Variants in RNF180 observed in about 807,000 individuals in gnomAD.
RNF180 encodes ring finger protein 180, also known as E3 ubiquitin-protein ligase RNF180.
RNF180 carries 38 observed loss-of-function variants against 59.2 expected under a neutral mutation model. The observed-to-expected ratio is 0.64, with a 90% CI of 0.50 to 0.84. RNF180 has a LOEUF of 0.84. Ranked by LOEUF, RNF180 falls within the 40% of genes least tolerant of loss-of-function variation. The probability of loss-of-function intolerance (pLI) is 0.00; values close to 1 mark genes in which losing one functional copy is unlikely to be tolerated. For missense variants in RNF180, 705 were observed against 700.9 expected, an observed-to-expected ratio of 1.01 and a Z score of -0.07; for synonymous variants, 262 against 240.3, an observed-to-expected ratio of 1.09 and a Z score of -0.84.
chr5:64,230,716 T>C (rs1200811078), intron 5 of RNF180, among the ~76,000 whole-genome samples: 1 of 152,204 alleles, frequency 6.6e-6, no homozygotes, highest in African/African-American at 2.4e-5. Context: ...ATTATTCTGC[T>C]TACCACAGAT....
intron 7 of RNF180, among the ~76,000 whole-genome samples, 176 bp from the exon 8 acceptor site, chr5:64,369,439 A>T (rs976818527): frequency 6.7e-6 from 1 of 149,034 alleles, no homozygotes; most frequent in African/African-American, 2.5e-5. Context: ...GTGCACATGT[A>T]CCCTAAAACT....
intron 5 of RNF180, among the ~76,000 whole-genome samples, chr5:64,248,710 G>A (rs1212689643): frequency 1.3e-5 from 2 of 152,132 alleles, no homozygotes; most frequent in Admixed American, 6.5e-5. Flanking sequence ...ATTCCTCAAG[G>A]ATCTAAAACC....
Position 64,370,512 on chromosome 5 carries a change from G to A in RNF180, c.*698G>A, listed in dbSNP as rs1053513885. 4 of 151,600 alleles carry A rather than the reference G, an allele frequency of 2.6e-5. No homozygotes were observed. The highest frequency in any genetic ancestry group is 4.4e-5 in the Non-Finnish European group (3 of 67,738). 9.4% of individuals were successfully genotyped at this position (151,600 alleles called of 1,614,324 possible). A position where few individuals can be genotyped will look rare whatever the true frequency, so the allele number is the denominator to read the frequency against. ...CACCAGAAGACATGAAAAATTTACC[G>A]ACTTTTAGTAGTCTAAAAGAGCAAT... is the stretch of plus-strand genomic sequence containing the variant. On this transcript the variant is annotated 3_prime_UTR_variant, in exon 8 of 8. Transcript: ENST00000389100.
chr5:64,200,250 A>G (rs1398028220), intron 1 of RNF180, among the ~76,000 whole-genome samples: 1 of 152,104 alleles, frequency 6.6e-6, no homozygotes, highest in Non-Finnish European at 1.5e-5. Context: ...CTGTGCTACC[A>G]AGCAAGACCC....
At chr5:64,257,493 G>A (rs570600034) in intron 5 of RNF180, among the ~76,000 whole-genome samples, 139 of 152,210 alleles carry the variant, frequency 9.1e-4, no homozygotes, top group Non-Finnish European at 1.6e-3. Flanking sequence ...CTGTTTATAT[G>A]CTGGATTACA....
At chr5:64,355,396 G>A (rs1378450117) in intron 7 of RNF180, among the ~76,000 whole-genome samples, 1 of 151,842 alleles carries the variant, frequency 6.6e-6, no homozygotes, top group Non-Finnish European at 1.5e-5. Flanking sequence ...AAACTAAGAC[G>A]TTGCTGAAGG....
chr5:64,286,089 A>C (rs1433591920), intron 5 of RNF180, among the ~76,000 whole-genome samples: 1 of 152,180 alleles, frequency 6.6e-6, no homozygotes, highest in Non-Finnish European at 1.5e-5. Flanking sequence ...ACTTCATCCC[A>C]GCATCTGCCT....
intron 5 of RNF180, among the ~76,000 whole-genome samples, chr5:64,223,102 A>G (rs949534198): frequency 1.3e-5 from 2 of 152,224 alleles, no homozygotes; most frequent in African/African-American, 4.8e-5. Context: ...TGATATCAAT[A>G]TGTTGACAGG....
chr5:64,221,698 C>T (rs1741348148), intron 5 of RNF180, among the ~76,000 whole-genome samples: 1 of 152,110 alleles, frequency 6.6e-6, no homozygotes, highest in Admixed American at 6.5e-5. Flanking sequence ...AATGCCTTTA[C>T]CTGAAGTAAT....
chr5:64,313,258 A>C (rs1743867947), intron 5 of RNF180, among the ~76,000 whole-genome samples: 1 of 152,086 alleles, frequency 6.6e-6, no homozygotes, highest in Non-Finnish European at 1.5e-5. Context: ...AATCACCCAG[A>C]TAATGAGCAT....
In RNF180 at chr5:64,303,724, A is replaced by C. The variant is rs545619596; in HGVS notation, c.1228-21462A>C. On this transcript the variant is annotated intron_variant, in intron 5 of 7. Coordinates refer to ENST00000389100, the MANE Select transcript of RNF180 (RefSeq NM_001113561.2). ...AGGAAAGAAGCTGTCTCTATAACAA[A>C]AAAGTGCAAGGGGAAGCAGTAAGTA... Among the ~76,000 whole-genome samples the C allele has an allele frequency of 7.9e-5, 12 of 151,756 alleles. No individual in the cohort carries two copies. The South Asian group carries it at 2.5e-3, about 31-fold the overall frequency.
chr5:64,345,798 C>CTGA (rs1396919762), intron 7 of RNF180, among the ~76,000 whole-genome samples: 1 of 152,110 alleles, frequency 6.6e-6, no homozygotes, highest in African/African-American at 2.4e-5. Context: ...ACTATTATGT[C>CTGA]TGAGCCATTA....
chr5:64,199,124 A>G (rs113479881), intron 1 of RNF180, among the ~76,000 whole-genome samples: 56 of 152,182 alleles, frequency 3.7e-4, no homozygotes, highest in African/African-American at 1.3e-3. Context: ...GGCCAAATTA[A>G]ATGATTTTTG....
At chr5:64,165,580 G>A (rs1271001521), upstream of RNF180, among the ~76,000 whole-genome samples, 1 of 152,238 alleles carries the variant, frequency 6.6e-6, no homozygotes, top group African/African-American at 2.4e-5. Flanking sequence ...GATAATTTCT[G>A]TGGCTCTGGT....
intron 1 of RNF180, among the ~76,000 whole-genome samples, chr5:64,173,717 CTT>C (rs113698456): frequency 7.9e-5 from 11 of 140,016 alleles, no homozygotes; most frequent in Non-Finnish European, 6.2e-5. Context: ...ATAGCATCAA[CTT>C]TTTTTTTTTT....
intron 5 of RNF180, among the ~76,000 whole-genome samples, chr5:64,236,046 G>C (rs1181158017): frequency 6.6e-6 from 1 of 152,224 alleles, no homozygotes; most frequent in African/African-American, 2.4e-5. Context: ...TGAAAATGTG[G>C]AAGCAACTTT....
chr5:64,293,748 A>G (rs1742732246), intron 5 of RNF180, among the ~76,000 whole-genome samples: 1 of 152,070 alleles, frequency 6.6e-6, no homozygotes, highest in African/African-American at 2.4e-5. Context: ...TATGTACTTT[A>G]TTTCTCACTG....
chr5:64,284,680 A>G (rs1742189496), intron 5 of RNF180, among the ~76,000 whole-genome samples: 1 of 152,140 alleles, frequency 6.6e-6, no homozygotes, highest in African/African-American at 2.4e-5. Flanking sequence ...TCCCTATCAG[A>G]TCAGTTTGGT....
At chr5:64,337,168 C>A (rs1580274805) in intron 7 of RNF180, among the ~76,000 whole-genome samples, 2 of 152,008 alleles carry the variant, frequency 1.3e-5, no homozygotes, top group African/African-American at 4.8e-5. Flanking sequence ...AGCACACCAC[C>A]ATGCCTGGCT....
Sources: allele counts gnomAD v4.1 joint callset (sites outside exome capture counted in the v4.1 genomes callset), GRCh38; gene constraint gnomAD v4.1.1; transcripts MANE v1.5; gene names NCBI Gene and HGNC (gene_info 2026-07-23, HGNC 2026-07-21).